Variants in PCGF3 observed in about 807,000 individuals in gnomAD.
PCGF3 encodes polycomb group ring finger 3, also known as polycomb group RING finger protein 3.
Under a neutral mutation model 33.1 loss-of-function variants are expected in PCGF3, and 7 were observed. The observed-to-expected ratio is 0.21, with a 90% CI of 0.12 to 0.40. The LOEUF (loss-of-function observed/expected upper bound fraction) is 0.40, where lower values mean the gene tolerates loss of function less well. Ranked by LOEUF, PCGF3 falls within the 10% of genes least tolerant of loss-of-function variation. The pLI, the probability that PCGF3 is intolerant of heterozygous loss-of-function variation, is 1.00. For synonymous variants in PCGF3, 153 were observed against 121.3 expected, an observed-to-expected ratio of 1.26 and a Z score of -1.72; for missense variants, 211 against 313.3, an observed-to-expected ratio of 0.67 and a Z score of 2.46.
chr4:729,179 C>A (rs1287480120), intron 1 of PCGF3, among the ~76,000 whole-genome samples: 1 of 146,146 alleles, frequency 6.8e-6, no homozygotes. Flanking sequence ...CTTTGGGAGG[C>A]TGAGGCGGGA....
intron 1 of PCGF3, among the ~76,000 whole-genome samples, chr4:713,872 A>G (rs1309404455): frequency 6.6e-6 from 1 of 152,214 alleles, no homozygotes; most frequent in African/African-American, 2.4e-5. Context: ...GGGGGCCACG[A>G]GGGCTCACCT....
At chr4:769,912 G>C (rs1745552926) in exon 11 of PCGF3, 1 of 152,610 alleles carries the variant, frequency 6.6e-6, no homozygotes, top group African/African-American at 2.4e-5. Context: ...TAATTTGAAA[G>C]TTTACATTTT....
chr4:769,872 T>C (rs1307585786), exon 11 of PCGF3: 1 of 152,606 alleles, frequency 6.6e-6, no homozygotes, highest in African/African-American at 2.4e-5. Flanking sequence ...GGTGTGGAGG[T>C]GATCACGAAG....
intron 1 of PCGF3, among the ~76,000 whole-genome samples, chr4:712,949 C>T (rs904547254): frequency 2.2e-4 from 33 of 152,206 alleles, no homozygotes; most frequent in Non-Finnish European, 7.3e-5. Flanking sequence ...TCCCGTTGGC[C>T]TTGTGGGTCT....
intron 8 of PCGF3, among the ~76,000 whole-genome samples, chr4:758,617 C>T (rs1474646975): frequency 7.7e-6 from 1 of 130,580 alleles, no homozygotes; most frequent in Non-Finnish European, 1.7e-5. Flanking sequence ...GACTCCAGTT[C>T]TTTCTCCCCG....
chr4:743,390 T>C, intron 6 of PCGF3, 84 bp from the exon 7 acceptor site: 1 of 779,750 alleles, frequency 1.3e-6, no homozygotes, highest in South Asian at 1.5e-5. Context: ...AAATCCCTAA[T>C]TTTCTTTATG....
At chr4:766,078 G>A in exon 11 of PCGF3, 2 of 1,614,036 alleles carry the variant, frequency 1.2e-6, no homozygotes, top group East Asian at 2.2e-5. Flanking sequence ...GACTTGCTGT[G>A]AATGGTGCCA....
At chr4:764,541 C>T (rs1320106105) in intron 9 of PCGF3, 1 of 157,148 alleles carries the variant, frequency 6.4e-6, no homozygotes, top group African/African-American at 2.4e-5. Flanking sequence ...CAGGGCTGCT[C>T]ATGGGGCTGC....
chr4:734,381 T>C (rs989294295), intron 4 of PCGF3: 15 of 1,399,788 alleles, frequency 1.1e-5, no homozygotes, highest in Non-Finnish European at 1.2e-5. Flanking sequence ...GAGCATTTTG[T>C]TTAAACAGGA....
chr4:764,825 G>A, intron 9 of PCGF3, 159 bp from the exon 10 acceptor site: 1 of 598,572 alleles, frequency 1.7e-6, no homozygotes, highest in Non-Finnish European at 3.0e-6. Flanking sequence ...CTGTGAGGTA[G>A]GGATGGAGGA....
intron 7 of PCGF3, 95 bp downstream of exon 7, chr4:743,679 C>A: frequency 1.4e-6 from 1 of 728,202 alleles, no homozygotes; most frequent in Non-Finnish European, 2.4e-6. Context: ...CCCTCCCACA[C>A]GCACTCACGG....
At chr4:736,729 C>T (rs1394782813) in intron 5 of PCGF3, among the ~76,000 whole-genome samples, 73 of 150,536 alleles carry the variant, frequency 4.8e-4, no homozygotes, top group Non-Finnish European at 4.3e-4. Context: ...GTCCCCTGAG[C>T]GCACGGGACG....
intron 8 of PCGF3, among the ~76,000 whole-genome samples, chr4:750,047 C>T (rs1472124656): frequency 2.0e-5 from 3 of 152,198 alleles, no homozygotes; most frequent in Non-Finnish European, 2.9e-5. Context: ...TGAAGCAGTC[C>T]ACCTGCCTCA....
intron 1 of PCGF3, among the ~76,000 whole-genome samples, chr4:724,522 G>T (rs1032328275): frequency 2.0e-5 from 3 of 152,198 alleles, no homozygotes; most frequent in Admixed American, 2.0e-4. Flanking sequence ...AATACTCCAG[G>T]TGTTTTGTTA....
rs528292512 is a variant in PCGF3, at chr4:710,573, C to T, written c.-190+4603C>T. Among the ~76,000 whole-genome samples, 37 of 152,276 alleles carry T rather than the reference C, an allele frequency of 2.4e-4. 1 individual carries two copies. Among genetic ancestry groups the T allele is most frequent in the South Asian group, 2.3e-3 (11 of 4,824 alleles). On this transcript the variant is annotated intron_variant, in intron 1 of 10. Transcript: ENST00000362003. Reference sequence around the variant, plus strand: ...AAATCAGCGATTGCGTGTGGAGTGACGTGTTAAGATGAGGATGTGACTGTT... The same window carrying T: ...AAATCAGCGATTGCGTGTGGAGTGATGTGTTAAGATGAGGATGTGACTGTT...
chr4:714,273 GC>G (rs1479696616), intron 1 of PCGF3, among the ~76,000 whole-genome samples: 1 of 152,196 alleles, frequency 6.6e-6, no homozygotes, highest in Non-Finnish European at 1.5e-5. Flanking sequence ...GGTCGCAGCC[GC>G]CTGAACAGAC....
chr4:743,717 G>A, intron 7 of PCGF3, 133 bp downstream of exon 7: 1 of 614,784 alleles, frequency 1.6e-6, no homozygotes, highest in Non-Finnish European at 2.9e-6. Context: ...TGAGGGTGTG[G>A]GGCGGTTAGG....
chr4:718,302 G>A (rs1035111296), intron 1 of PCGF3, among the ~76,000 whole-genome samples: 1 of 152,062 alleles, frequency 6.6e-6, no homozygotes. Context: ...CTGCTGAAGC[G>A]CCCCCGAGCT....
At chr4:763,965 T>C (rs1301671164) in intron 9 of PCGF3, among the ~76,000 whole-genome samples, 1 of 152,136 alleles carries the variant, frequency 6.6e-6, no homozygotes, top group Non-Finnish European at 1.5e-5. Context: ...GAAAAGGCTG[T>C]AGGCCGTGCG....
Sources: gnomAD v4.1 joint callset for allele counts (sites outside exome capture counted in the v4.1 genomes callset) on GRCh38, gnomAD v4.1.1 for gene constraint, MANE v1.5 for transcripts, NCBI Gene and HGNC (gene_info 2026-07-23, HGNC 2026-07-21) for gene names.